The following CTTNBP2NL variants were observed in gnomAD, a reference collection of about 807,000 sequenced individuals.
CTTNBP2NL encodes CTTNBP2 N-terminal like, also known as CTTNBP2 N-terminal-like protein.
In CTTNBP2NL, 16 loss-of-function variants were observed where a neutral mutation model predicts 32.5. The observed-to-expected ratio is 0.49, with a 90% CI of 0.33 to 0.75. The LOEUF (loss-of-function observed/expected upper bound fraction) is 0.75. Ranked by LOEUF, CTTNBP2NL falls within the 30% of genes least tolerant of loss-of-function variation. CTTNBP2NL has a pLI of 0.02. For missense variants in CTTNBP2NL, 645 were observed against 756.0 expected (o/e 0.85, Z 1.72); for synonymous variants, 298 against 289.4 (o/e 1.03, Z -0.30).
At chr1:112,430,206 C>T in intron 3 of CTTNBP2NL, among the ~76,000 whole-genome samples, 1 of 39,680 alleles carries the variant, frequency 2.5e-5, no homozygotes. Flanking sequence ...CTTTTCTTTT[C>T]TTTTCTTTTC....
chr1:112,424,901 C>G (rs1570727871), intron 3 of CTTNBP2NL, among the ~76,000 whole-genome samples: 1 of 151,950 alleles, frequency 6.6e-6, no homozygotes, highest in East Asian at 1.9e-4. Context: ...ACTGCAGCCT[C>G]AAGCCCCAGG....
chr1:112,449,256 T>C, intron 4 of CTTNBP2NL, 84 bp downstream of exon 4: 1 of 730,972 alleles, frequency 1.4e-6, no homozygotes, highest in Non-Finnish European at 2.3e-6. Flanking sequence ...TGCCAGTTTT[T>C]CACAGTAATT....
At chr1:112,404,461 C>T (rs1006418681) in intron 1 of CTTNBP2NL, among the ~76,000 whole-genome samples, 19 of 152,176 alleles carry the variant, frequency 1.2e-4, no homozygotes, top group African/African-American at 3.6e-4. Context: ...TGGAGTTTCT[C>T]CCCAGTGTGG....
intron 3 of CTTNBP2NL, among the ~76,000 whole-genome samples, chr1:112,445,000 G>C (rs1053287591): frequency 1.1e-4 from 16 of 152,190 alleles, no homozygotes; most frequent in African/African-American, 3.9e-4. Context: ...GGTTATAAAA[G>C]ACATTGGGAC....
At chr1:112,425,698 TAA>T (rs748253762) in intron 3 of CTTNBP2NL, among the ~76,000 whole-genome samples, 9 of 137,352 alleles carry the variant, frequency 6.6e-5, no homozygotes, top group Admixed American at 7.3e-5. Flanking sequence ...ACCCCTTGTC[TAA>T]AAAAAAAAAA....
chr1:112,401,595 A>G (rs935046503), intron 1 of CTTNBP2NL, among the ~76,000 whole-genome samples: 2 of 152,208 alleles, frequency 1.3e-5, no homozygotes, highest in Admixed American at 1.3e-4. Flanking sequence ...ACTTTTGAAG[A>G]CAGCCTCCCC....
chr1:112,392,960 C>A (rs1648221503), upstream of CTTNBP2NL, among the ~76,000 whole-genome samples: 1 of 152,090 alleles, frequency 6.6e-6, no homozygotes, highest in Non-Finnish European at 1.5e-5. Flanking sequence ...TGGGTTCAAG[C>A]GATTCTCCTG....
Position 112,456,584 on chromosome 1 carries a change from A to T in CTTNBP2NL, c.1092A>T (p.Ala364=), listed in dbSNP as rs774612233. 1 of 1,614,160 alleles carries T rather than the reference A, an allele frequency of 6.2e-7. No individual in the cohort carries two copies. The highest frequency in any genetic ancestry group is 2.2e-5 in the East Asian group (1 of 44,872). The change falls in exon 6 of 6, where the codon GCA becomes GCT. Residue 364 remains alanine (A), a synonymous_variant. Transcript: ENST00000271277. ...TACAAACTACCAGGGAGCTGACTGC[A>T]GGCAACAATGTAGAAAACCAGGTGC... ...PEIQTTRELT[A]GNNVENQVPP...
At chr1:112,451,928 A>G (rs1030046016) in intron 4 of CTTNBP2NL, among the ~76,000 whole-genome samples, 4 of 152,184 alleles carry the variant, frequency 2.6e-5, no homozygotes, top group African/African-American at 9.6e-5. Flanking sequence ...CCCTCCTTCA[A>G]AGTAAAGTAG....
rs563686739 is a variant in CTTNBP2NL, at chr1:112,456,013, G to A, written c.521G>A (p.Arg174His). 36 of 1,613,946 alleles carry A rather than the reference G, an allele frequency of 2.2e-5. No homozygotes were observed. The highest frequency in any genetic ancestry group is 2.2e-5 in the Non-Finnish European group (26 of 1,179,948). The change falls in exon 6 of 6, where the codon CGC becomes CAC. Residue 174 changes from arginine to histidine, a missense_variant. By Grantham distance (29) the Arg-to-His change is conservative (BLOSUM62 0). Coordinates refer to ENST00000271277, the MANE Select transcript of CTTNBP2NL (RefSeq NM_018704.3). The part of the protein sequence containing the change: ...LSSQLEEERS[R>H]HKQLSSMLVL... ...AGTCAGCTGGAAGAGGAGCGCTCCC[G>A]CCACAAGCAGCTCTCATCCATGCTA...
chr1:112,453,579 C>T (rs535245392), intron 4 of CTTNBP2NL, among the ~76,000 whole-genome samples: 2 of 152,024 alleles, frequency 1.3e-5, no homozygotes, highest in East Asian at 3.9e-4. Flanking sequence ...TGGCAAAACC[C>T]CATCTCTACA....
At chr1:112,420,713 T>A (rs557438040) in intron 3 of CTTNBP2NL, among the ~76,000 whole-genome samples, 252 of 151,170 alleles carry the variant, frequency 1.7e-3, no homozygotes, top group African/African-American at 5.8e-3. Context: ...GCAGTTCTGC[T>A]GTCCCAGCCT....
At position 112,456,314 on chromosome 1, in the gene CTTNBP2NL, G is replaced by A. The variant is rs141621932; in HGVS notation, c.822G>A (p.Val274=). The change falls in exon 6 of 6, where the codon GTG becomes GTA. Residue 274 remains valine (V), a synonymous_variant. Transcript: ENST00000271277. The part of the protein sequence containing the change: ...KEEMESLKKI[V]KDLEASHQHS... The stretch of plus-strand genomic sequence containing the variant: ...AAATGGAAAGTTTAAAGAAGATAGT[G>A]AAGGACCTAGAGGCTTCCCACCAGC... 6.1e-4 allele frequency: 991 copies of A among 1,614,030 alleles called. 1 individual carries two copies. The highest frequency in any genetic ancestry group is 5.9e-4 in the Non-Finnish European group (696 of 1,180,022).
chr1:112,451,842 A>G (rs1049960978), intron 4 of CTTNBP2NL, among the ~76,000 whole-genome samples: 6 of 151,504 alleles, frequency 4.0e-5, no homozygotes, highest in African/African-American at 1.5e-4. Context: ...TTTCTATTCT[A>G]CATTTCACCT....
intron 3 of CTTNBP2NL, among the ~76,000 whole-genome samples, chr1:112,442,454 T>G (rs565350654): frequency 1.2e-3 from 184 of 152,364 alleles, no homozygotes; most frequent in Middle Eastern, 6.8e-3. Context: ...ATCAGTTCAT[T>G]AATCTGTTCA....
chr1:112,415,565 T>G (rs555244454), intron 2 of CTTNBP2NL, among the ~76,000 whole-genome samples: 4,552 of 129,248 alleles, frequency 0.035, 240 homozygotes, highest in African/African-American at 0.11. Context: ...TTTTTTGGTT[T>G]TTTTTTTTTG....
intron 3 of CTTNBP2NL, among the ~76,000 whole-genome samples, chr1:112,436,576 G>T (rs1649736226): frequency 6.6e-6 from 1 of 151,920 alleles, no homozygotes; most frequent in Non-Finnish European, 1.5e-5. Context: ...TCACACGTCT[G>T]GCCTCAAGTG....
intron 3 of CTTNBP2NL, among the ~76,000 whole-genome samples, chr1:112,433,254 G>GT (rs1216958787): frequency 4.5e-4 from 68 of 151,272 alleles, no homozygotes; most frequent in Middle Eastern, 3.4e-3. Context: ...TTTTGTGTGG[G>GT]GGTGTGTGTG....
intron 3 of CTTNBP2NL, among the ~76,000 whole-genome samples, chr1:112,418,216 A>G (rs749474786): frequency 2.6e-5 from 4 of 152,104 alleles, no homozygotes; most frequent in Admixed American, 2.0e-4. Context: ...TTCTTTCAGG[A>G]TATGTTGTAA....
Sources: allele counts gnomAD v4.1 joint callset (sites outside exome capture counted in the v4.1 genomes callset), GRCh38; gene constraint gnomAD v4.1.1; transcripts MANE v1.5; gene names NCBI Gene and HGNC (gene_info 2026-07-23, HGNC 2026-07-21).